The following BAIAP2L1 variants were observed in gnomAD, a reference collection of about 807,000 sequenced individuals.
BAIAP2L1 encodes the protein BAR/IMD domain-containing adapter protein 2-like 1.
BAIAP2L1 carries 35 observed loss-of-function variants against 66.3 expected under a neutral mutation model. The observed-to-expected ratio is 0.53, with a 90% CI of 0.40 to 0.70. The LOEUF (loss-of-function observed/expected upper bound fraction) is 0.70, where lower values mean the gene tolerates loss of function less well. BAIAP2L1 is among the 30% of genes least tolerant of loss of function. The pLI, the probability that BAIAP2L1 is intolerant of heterozygous loss-of-function variation, is 0.00. For missense variants in BAIAP2L1, 622 were observed against 656.9 expected (o/e 0.95, Z 0.58); for synonymous variants, 269 against 248.7 (o/e 1.08, Z -0.77).
Position 98,400,661 on chromosome 7 carries a change from G to T in BAIAP2L1, c.51+141C>A, listed in dbSNP as rs529067096. ...AGAGGGGCTGTGGAGGGCCAGGGGAGGAGTGGGAGAGACCGGGAGAGGTGG... is the reference window on the plus strand; with the variant it reads ...AGAGGGGCTGTGGAGGGCCAGGGGATGAGTGGGAGAGACCGGGAGAGGTGG... On this transcript the variant is annotated intron_variant, in intron 1 of 13. Coordinates refer to ENST00000005260, the MANE Select transcript of BAIAP2L1 (RefSeq NM_018842.5). 2.6e-4 allele frequency: 242 copies of T among 937,302 alleles called. 1 individual carries two copies. The South Asian group carries it at 3.4e-3, about 13-fold the overall frequency. The allele number at this position is 937,302 out of a possible 1,614,324, so 58.1% of individuals were successfully genotyped here.
chr7:98,370,791 G>C (rs1038529948), intron 1 of BAIAP2L1, among the ~76,000 whole-genome samples: 1 of 152,082 alleles, frequency 6.6e-6, no homozygotes, highest in Non-Finnish European at 1.5e-5. Flanking sequence ...GTGAGCCACC[G>C]CGCCTGGCCA....
At chr7:98,372,746 T>G (rs1002151741) in intron 1 of BAIAP2L1, among the ~76,000 whole-genome samples, 8 of 146,990 alleles carry the variant, frequency 5.4e-5, no homozygotes, top group African/African-American at 2.0e-4. Flanking sequence ...TTTTTTTTTT[T>G]TTTTTTTTTT....
intron 3 of BAIAP2L1, among the ~76,000 whole-genome samples, chr7:98,353,366 C>T (rs1266084881): frequency 1.5e-5 from 2 of 135,244 alleles, no homozygotes; most frequent in East Asian, 2.0e-4. Context: ...TATATATATA[C>T]ACATATATTT....
chr7:98,320,181 T>C lies in BAIAP2L1; in HGVS notation c.277-52A>G, dbSNP rs372284511. On this transcript the variant is annotated intron_variant, in intron 4 of 13. Coordinates refer to ENST00000005260, the MANE Select transcript of BAIAP2L1 (RefSeq NM_018842.5). The stretch of plus-strand genomic sequence containing the variant: ...ACCAGGTTTGAGATTTTAAGCAAAA[T>C]AAGTTCTAAAACCTGAAATGAGTGT... 2.1e-5 allele frequency: 33 copies of C among 1,591,300 alleles called. No individual in the cohort carries two copies. In the African/African-American group the frequency reaches 4.2e-4, roughly 20 times the overall value.
intron 3 of BAIAP2L1, among the ~76,000 whole-genome samples, chr7:98,336,723 C>T (rs753282961): frequency 4.6e-5 from 7 of 152,222 alleles, no homozygotes; most frequent in Non-Finnish European, 8.8e-5. Context: ...AGGCATCCAA[C>T]ATTTAAGGGT....
At position 98,364,018 on chromosome 7, in the gene BAIAP2L1, CT is replaced by C. The variant is rs34058753; in HGVS notation, c.52-1587del. Among the ~76,000 whole-genome samples, 1,060 of 149,526 alleles carry C rather than the reference CT, an allele frequency of 7.1e-3. 19 individuals carry two copies. The highest frequency in any genetic ancestry group is 0.024 in the African/African-American group (993 of 40,676). ...ATTTATTGCTGCAGTTTTGAATATT[CT>C]TTTTTTTTTTAAATATTCTTGATTT... On this transcript the variant is annotated intron_variant, in intron 1 of 13. Transcript: ENST00000005260.
intron 3 of BAIAP2L1, among the ~76,000 whole-genome samples, chr7:98,332,172 C>CA (rs1029572895): frequency 6.6e-6 from 1 of 150,578 alleles, no homozygotes; most frequent in African/African-American, 2.4e-5. Flanking sequence ...CACTTGAGGC[C>CA]AGGAGTTAGA....
chr7:98,292,932 C>T lies in BAIAP2L1; in HGVS notation c.*589G>A. On this transcript the variant is annotated 3_prime_UTR_variant, in exon 14 of 14. Transcript: ENST00000005260. ...GATAAGGGCAGGCAAAGCGTCTTAG[C>T]ACTCTACAGCTCTGGCGTGGTTGGA... 2 of 1,352,598 alleles carry T rather than the reference C, an allele frequency of 1.5e-6. No individual in the cohort carries two copies. The highest frequency in any genetic ancestry group is 1.9e-6 in the Non-Finnish European group (2 of 1,053,520). 83.8% of individuals were successfully genotyped at this position (1,352,598 alleles called of 1,614,324 possible).
chr7:98,371,863 C>T (rs936221460), intron 1 of BAIAP2L1, among the ~76,000 whole-genome samples: 1 of 151,428 alleles, frequency 6.6e-6, no homozygotes, highest in African/African-American at 2.4e-5. Flanking sequence ...GGCGCAATCT[C>T]GGCTCACTGC....
chr7:98,293,294 T>C lies in BAIAP2L1; in HGVS notation c.*227A>G, dbSNP rs1231274700. The C allele has an allele frequency of 2.2e-6, 1 of 452,904 alleles. No individual in the cohort carries two copies. Among genetic ancestry groups the C allele is most frequent in the Non-Finnish European group, 4.0e-6 (1 of 252,590 alleles). 28.1% of individuals were successfully genotyped at this position (452,904 alleles called of 1,614,324 possible). A position where few individuals can be genotyped will look rare whatever the true frequency, so the allele number is the denominator to read the frequency against. Reference sequence around the variant, plus strand: ...TCTTGAACAGAATAGGAAGAAAATATTTTAAATGGCTGAGCTGGTCATTAG... The same window carrying C: ...TCTTGAACAGAATAGGAAGAAAATACTTTAAATGGCTGAGCTGGTCATTAG... On this transcript the variant is annotated 3_prime_UTR_variant, in exon 14 of 14. Coordinates refer to ENST00000005260, the MANE Select transcript of BAIAP2L1 (RefSeq NM_018842.5).
chr7:98,386,693 G>GTTTTTTTTTTTTTTTTT (rs71112150), intron 1 of BAIAP2L1: 2 of 155,918 alleles, frequency 1.3e-5, no homozygotes, highest in Admixed American at 1.4e-4. Flanking sequence ...CTTTCCAAAG[G>GTTTTTTTTTTTTTTTTT]TTTTTTTTTT....
At chr7:98,392,675 G>C (rs2115848053) in intron 1 of BAIAP2L1, among the ~76,000 whole-genome samples, 1 of 152,182 alleles carries the variant, frequency 6.6e-6, no homozygotes, top group Non-Finnish European at 1.5e-5. Flanking sequence ...GTCCTGTGCA[G>C]TCATCAAAAT....
At chr7:98,389,946 C>T (rs952376188) in intron 1 of BAIAP2L1, among the ~76,000 whole-genome samples, 10 of 98,340 alleles carry the variant, frequency 1.0e-4, no homozygotes, top group Admixed American at 3.6e-4. Context: ...GAGGTAGTCT[C>T]GCACTGTCGC....
chr7:98,340,959 G>GTTTTTTTT (rs72057720), intron 3 of BAIAP2L1, among the ~76,000 whole-genome samples: 3 of 129,564 alleles, frequency 2.3e-5, no homozygotes, highest in Non-Finnish European at 3.2e-5. Flanking sequence ...CAGCTAATTG[G>GTTTTTTTT]TTTTTTTTTT....
At chr7:98,346,795 TG>T (rs1057098847) in intron 3 of BAIAP2L1, among the ~76,000 whole-genome samples, 2 of 151,746 alleles carry the variant, frequency 1.3e-5, no homozygotes, top group Non-Finnish European at 2.9e-5. Context: ...AGAAATGAAA[TG>T]GGAAAAGTAG....
chr7:98,391,619 G>C (rs558814078), intron 1 of BAIAP2L1, among the ~76,000 whole-genome samples: 12 of 151,648 alleles, frequency 7.9e-5, no homozygotes, highest in Admixed American at 2.6e-4. Context: ...GGCTGAGGCA[G>C]GAGAATGGCA....
intron 12 of BAIAP2L1, 47 bp downstream of exon 12, chr7:98,304,149 G>T: frequency 6.7e-7 from 1 of 1,498,976 alleles, no homozygotes; most frequent in Non-Finnish European, 8.9e-7. Context: ...TCCCAGTCGG[G>T]GATGGCGAGT....
intron 3 of BAIAP2L1, among the ~76,000 whole-genome samples, chr7:98,348,179 G>C (rs1167275411): frequency 6.6e-6 from 1 of 152,066 alleles, no homozygotes; most frequent in Admixed American, 6.6e-5. Context: ...TCATTTCAAA[G>C]ATACATGAAA....
chr7:98,370,473 T>C (rs925961850), intron 1 of BAIAP2L1, among the ~76,000 whole-genome samples: 2 of 151,894 alleles, frequency 1.3e-5, no homozygotes, highest in African/African-American at 4.8e-5. Context: ...TTACTGTACG[T>C]AGGTTCAGCT....
Sources: allele counts gnomAD v4.1 joint callset (sites outside exome capture counted in the v4.1 genomes callset), GRCh38; gene constraint gnomAD v4.1.1; transcripts MANE v1.5; gene names NCBI Gene and HGNC (gene_info 2026-07-23, HGNC 2026-07-21).